SPON1: variants seen among roughly 807,000 people sequenced by gnomAD.
The protein encoded by SPON1 is spondin 1.
In SPON1, 52 loss-of-function variants were observed where a neutral mutation model predicts 111.7. The ratio of observed to expected loss-of-function variants is 0.47; its 90% CI spans 0.37 to 0.59. The LOEUF (loss-of-function observed/expected upper bound fraction) is 0.59, where lower values mean the gene tolerates loss of function less well. SPON1 is among the 20% of genes least tolerant of loss of function. The probability of loss-of-function intolerance (pLI) is 0.00; values close to 1 mark genes in which losing one functional copy is unlikely to be tolerated. For missense variants in SPON1, 957 were observed against 1,068.5 expected, an observed-to-expected ratio of 0.90 and a Z score of 1.46; for synonymous variants, 410 against 395.8, an observed-to-expected ratio of 1.04 and a Z score of -0.43.
rs888773997 is a variant in SPON1 at position 14,259,466 on chromosome 11, G to T, written c.1663+16G>T. 1 of 1,599,476 alleles carries T rather than the reference G, an allele frequency of 6.3e-7. No homozygotes were observed. Among genetic ancestry groups the T allele is most frequent in the Non-Finnish European group, 8.5e-7 (1 of 1,173,220 alleles). On this transcript the variant is annotated intron_variant, in intron 12 of 15. Coordinates refer to ENST00000576479, the MANE Select transcript of SPON1 (RefSeq NM_006108.4). The surrounding 1 kb of genome is among the most constrained non-coding windows in gnomAD (Gnocchi z 5.0). ...GAGGAGTGCTGTGAGTGGGGGCCCC[G>T]GGCGGGCAGGCGGGCAAGTAGGTCG...
chr11:14,249,018 C>G (rs977477295), intron 7 of SPON1, among the ~76,000 whole-genome samples: 3 of 152,214 alleles, frequency 2.0e-5, no homozygotes, highest in African/African-American at 7.2e-5. Flanking sequence ...CAAATCAATT[C>G]TGAATGTCCA....
intron 6 of SPON1, among the ~76,000 whole-genome samples, chr11:14,216,294 A>C (rs1402475019): frequency 6.6e-6 from 1 of 152,194 alleles, no homozygotes; most frequent in Non-Finnish European, 1.5e-5. Context: ...GGGTTTTCAC[A>C]TCTGGGGCTG....
At chr11:14,233,868 T>A (rs1411863553) in intron 6 of SPON1, among the ~76,000 whole-genome samples, 6 of 146,576 alleles carry the variant, frequency 4.1e-5, no homozygotes, top group African/African-American at 1.3e-4. Context: ...GTTCAAGCAA[T>A]TCCCCTGCCT....
chr11:14,022,809 C>T (rs1003099074), intron 2 of SPON1, among the ~76,000 whole-genome samples: 1 of 152,254 alleles, frequency 6.6e-6, no homozygotes, highest in Non-Finnish European at 1.5e-5. Context: ...CACATTTTGC[C>T]CATACATTCG....
chr11:13,992,313 G>A (rs1848237259), intron 2 of SPON1, among the ~76,000 whole-genome samples: 1 of 152,160 alleles, frequency 6.6e-6, no homozygotes, highest in African/African-American at 2.4e-5. Context: ...GCTGCAGTGG[G>A]CCCCACCCAG....
intron 6 of SPON1, among the ~76,000 whole-genome samples, chr11:14,204,697 T>A (rs1339453590): frequency 1.6e-5 from 2 of 127,902 alleles, no homozygotes; most frequent in Non-Finnish European, 3.4e-5. Flanking sequence ...TCTTTTTTGT[T>A]TGTTTGTTTT....
In SPON1 at chr11:13,983,414, A is replaced by G. The variant is rs1848159390; in HGVS notation, c.345+461A>G. On this transcript the variant is annotated intron_variant, in intron 2 of 15. Transcript: ENST00000576479. ...TATGAGGGAAGATTAAAAGAATTAA[A>G]CATGCTTTTCTTGGCCAAATGAACA... 2.6e-5 allele frequency among the ~76,000 whole-genome samples: 4 copies of G among 152,232 alleles called. No homozygotes were observed. The South Asian group carries it at 8.3e-4, about 32-fold the overall frequency.
At chr11:14,062,373 A>G (rs574319260) in intron 3 of SPON1, among the ~76,000 whole-genome samples, 1 of 152,206 alleles carries the variant, frequency 6.6e-6, no homozygotes, top group African/African-American at 2.4e-5. Flanking sequence ...ATAAATATTT[A>G]TGGATCAAGA....
chr11:14,229,268 G>A (rs766532879), intron 6 of SPON1, among the ~76,000 whole-genome samples: 7 of 152,146 alleles, frequency 4.6e-5, no homozygotes, highest in Non-Finnish European at 8.8e-5. Flanking sequence ...ACCTTTATAC[G>A]AGTGAACAAA....
At chr11:14,218,846 C>T (rs986077635) in intron 6 of SPON1, among the ~76,000 whole-genome samples, 3 of 152,282 alleles carry the variant, frequency 2.0e-5, no homozygotes, top group East Asian at 1.9e-4. Context: ...CAGTTGCTGG[C>T]GAGGTTGAAA....
chr11:14,026,271 C>T (rs889556720), intron 2 of SPON1, among the ~76,000 whole-genome samples: 1 of 152,328 alleles, frequency 6.6e-6, no homozygotes, highest in Admixed American at 6.5e-5. Context: ...AGCTGATAAC[C>T]ACATTGGATG....
At chr11:14,016,815 C>G (rs1564886522) in intron 2 of SPON1, among the ~76,000 whole-genome samples, 1 of 152,160 alleles carries the variant, frequency 6.6e-6, no homozygotes, top group Non-Finnish European at 1.5e-5. Flanking sequence ...GATAATGTGC[C>G]ATTTTTTTCA....
intron 6 of SPON1, among the ~76,000 whole-genome samples, chr11:14,242,936 T>A (rs1055389245): frequency 1.1e-4 from 16 of 152,350 alleles, no homozygotes; most frequent in African/African-American, 3.4e-4. Flanking sequence ...CAACTCCTGC[T>A]GACCCAGCTG....
intron 4 of SPON1, among the ~76,000 whole-genome samples, chr11:14,077,010 A>G (rs1220660178): frequency 6.6e-6 from 1 of 152,146 alleles, no homozygotes; most frequent in African/African-American, 2.4e-5. Context: ...TGACAATCCC[A>G]TCCCTGCTGT....
At chr11:14,252,286 T>C (rs956586391) in intron 7 of SPON1, among the ~76,000 whole-genome samples, 1 of 152,066 alleles carries the variant, frequency 6.6e-6, no homozygotes, top group African/African-American at 2.4e-5. Flanking sequence ...TCCAGCGCTA[T>C]GTATCTGCCT....
chr11:14,265,220 C>A (rs1554942333), intron 15 of SPON1, among the ~76,000 whole-genome samples: 1 of 152,178 alleles, frequency 6.6e-6, no homozygotes. Flanking sequence ...AGGGTCCTAG[C>A]AGCTTTTAGG....
intron 1 of SPON1, among the ~76,000 whole-genome samples, chr11:13,978,791 A>C (rs1259978940): frequency 1.3e-5 from 2 of 152,198 alleles, no homozygotes; most frequent in African/African-American, 4.8e-5. Flanking sequence ...GAAAAAATAC[A>C]ACAGGGCGAC....
chr11:14,010,311 C>G (rs1848394192), intron 2 of SPON1, among the ~76,000 whole-genome samples: 1 of 151,746 alleles, frequency 6.6e-6, no homozygotes, highest in Non-Finnish European at 1.5e-5. Context: ...AAAGATGGGC[C>G]ATATAAGAGG....
intron 5 of SPON1, among the ~76,000 whole-genome samples, chr11:14,107,405 TC>T (rs1394656786): frequency 6.6e-6 from 1 of 152,126 alleles, no homozygotes; most frequent in African/African-American, 2.4e-5. Flanking sequence ...TGTCCGGCTG[TC>T]CGTACTCCAG....
Sources: allele counts gnomAD v4.1 joint callset (sites outside exome capture counted in the v4.1 genomes callset), GRCh38; gene constraint gnomAD v4.1.1; non-coding constraint Gnocchi (gnomAD v3.1); transcripts MANE v1.5; gene names NCBI Gene and HGNC (gene_info 2026-07-23, HGNC 2026-07-21).